The following MGLL variants were observed in gnomAD, a reference collection of about 807,000 sequenced individuals.
MGLL encodes the protein lysophospholipase homolog.
In MGLL, 7 loss-of-function variants were observed where a neutral mutation model predicts 29.1. That is an observed-to-expected ratio of 0.24 (90% CI 0.14 to 0.45). The LOEUF is 0.45. Among genes scored for constraint, MGLL ranks in the 20% least tolerant of loss-of-function variants. The pLI is 0.99. For missense variants in MGLL, 356 were observed against 413.6 expected (o/e 0.86, Z 1.21); for synonymous variants, 148 against 168.3 (o/e 0.88, Z 0.93).
At chr3:127,775,574 C>T (rs929722712) in intron 3 of MGLL, among the ~76,000 whole-genome samples, 14 of 152,072 alleles carry the variant, frequency 9.2e-5, no homozygotes, top group African/African-American at 3.1e-4. Context: ...TTCTCACATG[C>T]CCCAGCTGAG....
intron 3 of MGLL, among the ~76,000 whole-genome samples, chr3:127,765,755 G>A (rs538257819): frequency 6.6e-6 from 1 of 152,228 alleles, no homozygotes; most frequent in South Asian, 2.1e-4. Context: ...AGGAACGGCC[G>A]CATGTGGCCG....
At chr3:127,763,381 C>T (rs574578195) in intron 3 of MGLL, among the ~76,000 whole-genome samples, 6 of 152,338 alleles carry the variant, frequency 3.9e-5, no homozygotes, top group East Asian at 3.9e-4. Flanking sequence ...TCTGGCCCCG[C>T]GAAGCCAGGT....
intron 3 of MGLL, among the ~76,000 whole-genome samples, chr3:127,743,146 GATTTGACAGAAA>G (rs2076376534): frequency 3.3e-5 from 5 of 152,176 alleles, no homozygotes; most frequent in African/African-American, 1.2e-4. Flanking sequence ...ACCCAAAAGT[GATTTGACAGAAA>G]GCCAGCTCAG....
intron 2 of MGLL, among the ~76,000 whole-genome samples, chr3:127,786,886 T>C (rs955089965): frequency 3.9e-5 from 6 of 152,190 alleles, no homozygotes; most frequent in African/African-American, 1.4e-4. Flanking sequence ...GTAAGCCACT[T>C]GCCGGGTGAG....
chr3:127,755,896 T>G (rs2076656036), intron 3 of MGLL, among the ~76,000 whole-genome samples: 1 of 152,164 alleles, frequency 6.6e-6, no homozygotes, highest in African/African-American at 2.4e-5. Flanking sequence ...TCTTTTCTTC[T>G]TAGTAACTGA....
At chr3:127,781,937 G>A (rs773820718) in intron 2 of MGLL, 42 bp from the exon 3 acceptor site, 42 of 1,589,856 alleles carry the variant, frequency 2.6e-5, no homozygotes, top group African/African-American at 5.4e-5. Flanking sequence ...AAGCCCACAC[G>A]GGGCTGGGCG....
In MGLL at chr3:127,791,635, A is replaced by C. The variant is rs143944148; in HGVS notation, c.156-9740T>G. ...CAAAACTGTGAAACAGGACACTCAA[A>C]TATTAACATGGGCTGTTTATCTCAG... is the stretch of plus-strand genomic sequence containing the variant. On this transcript the variant is annotated intron_variant, in intron 2 of 7. Transcript: ENST00000265052. 5.8e-3 allele frequency among the ~76,000 whole-genome samples: 888 copies of C among 152,330 alleles called. 11 individuals carry two copies. Among genetic ancestry groups the C allele is most frequent in the African/African-American group, 0.02 (829 of 41,570 alleles).
intron 3 of MGLL, among the ~76,000 whole-genome samples, chr3:127,732,397 G>C (rs1448841527): frequency 6.6e-6 from 1 of 152,218 alleles, no homozygotes. Context: ...GTGAGCCACA[G>C]GGAGGGACTT....
At position 127,807,648 on chromosome 3, in the gene MGLL, C is replaced by T. The variant is rs77034833; in HGVS notation, c.155+14046G>A. ...AGAGAGAAGGGAGGTCTCTTGGCCA[C>T]TAAAGACATAGTCATACAAGAACAG... On this transcript the variant is annotated intron_variant, in intron 2 of 7. Transcript: ENST00000265052. Among the ~76,000 whole-genome samples the T allele has an allele frequency of 9.6e-3, 1,429 of 149,202 alleles. 27 individuals carry two copies. The highest frequency in any genetic ancestry group is 0.033 in the African/African-American group (1,359 of 40,738).
At chr3:127,742,361 G>A (rs1326880912) in intron 3 of MGLL, among the ~76,000 whole-genome samples, 1 of 152,078 alleles carries the variant, frequency 6.6e-6, no homozygotes, top group Admixed American at 6.5e-5. Context: ...AGGCCAATGT[G>A]GGTGGATCAC....
At chr3:127,723,927 T>C (rs1480029144) in intron 3 of MGLL, among the ~76,000 whole-genome samples, 1 of 152,192 alleles carries the variant, frequency 6.6e-6, no homozygotes, top group Non-Finnish European at 1.5e-5. Flanking sequence ...AATGAGGTCC[T>C]TAGGGTGGGC....
At chr3:127,724,448 TTA>T (rs2075994126) in intron 3 of MGLL, among the ~76,000 whole-genome samples, 1 of 152,242 alleles carries the variant, frequency 6.6e-6, no homozygotes, top group African/African-American at 2.4e-5. Flanking sequence ...CATGTTGTGT[TTA>T]TCCATTTGTC....
At chr3:127,721,032 C>T (rs777413366) in intron 5 of MGLL, 21 bp downstream of exon 5, 6 of 1,601,758 alleles carry the variant, frequency 3.7e-6, no homozygotes, top group South Asian at 1.1e-5. Flanking sequence ...AGGAATTGTA[C>T]AGACTGGAAG....
chr3:127,822,530 T>G, upstream of MGLL: 1 of 599,074 alleles, frequency 1.7e-6, no homozygotes, highest in Non-Finnish European at 3.0e-6. Context: ...CTCCCCTCCC[T>G]CCCCAGGGCG....
At chr3:127,707,235 T>C (rs1284401026) in intron 6 of MGLL, among the ~76,000 whole-genome samples, 1 of 152,202 alleles carries the variant, frequency 6.6e-6, no homozygotes, top group East Asian at 1.9e-4. Flanking sequence ...CTCAGAATCA[T>C]GGCCTCTGCC....
chr3:127,770,277 C>T (rs2076927441), intron 3 of MGLL, among the ~76,000 whole-genome samples: 1 of 152,220 alleles, frequency 6.6e-6, no homozygotes, highest in Non-Finnish European at 1.5e-5. Flanking sequence ...CCACCTCAGC[C>T]TCCCACAGTG....
chr3:127,691,997 T>A lies in MGLL; in HGVS notation c.*201A>T. 1.5e-6 allele frequency: 1 copy of A among 674,350 alleles called. No homozygotes were observed. 41.8% of individuals were successfully genotyped at this position (674,350 alleles called of 1,614,324 possible). A position where few individuals can be genotyped will look rare whatever the true frequency, so the allele number is the denominator to read the frequency against. On this transcript the variant is annotated 3_prime_UTR_variant, in exon 8 of 8. Coordinates refer to ENST00000265052, the MANE Select transcript of MGLL (RefSeq NM_007283.7). ...TTTCTCTTTTTTTGCATAAAGTGTC[T>A]AACCATTAAGGTAGGTCCAGTGTCT... is the stretch of plus-strand genomic sequence containing the variant.
At chr3:127,707,231 A>ATCATGGCC (rs1446726839) in intron 6 of MGLL, among the ~76,000 whole-genome samples, 3 of 152,176 alleles carry the variant, frequency 2.0e-5, no homozygotes, top group African/African-American at 7.2e-5. Context: ...TGTGCTCAGA[A>ATCATGGCC]TCATGGCCTC....
At chr3:127,740,752 G>C (rs920806093) in intron 3 of MGLL, among the ~76,000 whole-genome samples, 8 of 152,236 alleles carry the variant, frequency 5.3e-5, no homozygotes, top group African/African-American at 1.9e-4. Context: ...CCACACTGAG[G>C]GTGGAGGTGA....
Sources: allele counts gnomAD v4.1 joint callset (sites outside exome capture counted in the v4.1 genomes callset), GRCh38; gene constraint gnomAD v4.1.1; transcripts MANE v1.5; gene names NCBI Gene and HGNC (gene_info 2026-07-23, HGNC 2026-07-21).